Variants in UTRN observed in about 807,000 individuals in gnomAD.
UTRN encodes the protein dystrophin-related protein 1.
In UTRN, 283 loss-of-function variants were observed where a neutral mutation model predicts 463.9. The observed-to-expected ratio is 0.61, with a 90% CI of 0.55 to 0.67. The LOEUF is 0.67. Ranked by LOEUF, UTRN falls within the 30% of genes least tolerant of loss-of-function variation. The pLI, the probability that UTRN is intolerant of heterozygous loss-of-function variation, is 0.00. For missense variants in UTRN, 3,922 were observed against 4,084.3 expected, an observed-to-expected ratio of 0.96 and a Z score of 1.08; for synonymous variants, 1,442 against 1,431.5, an observed-to-expected ratio of 1.01 and a Z score of -0.17.
At chr6:144,742,921 G>C (rs1401234652) in intron 54 of UTRN, among the ~76,000 whole-genome samples, 2 of 152,060 alleles carry the variant, frequency 1.3e-5, no homozygotes, top group African/African-American at 2.4e-5. Flanking sequence ...ATGCAAAAAA[G>C]CAAATAGTAT....
intron 2 of UTRN, among the ~76,000 whole-genome samples, chr6:144,326,959 C>A (rs961550863): frequency 2.6e-5 from 4 of 152,204 alleles, no homozygotes; most frequent in Non-Finnish European, 5.9e-5. Context: ...ACCTGAAGGA[C>A]AGTTCTGACT....
At chr6:144,354,973 G>A (rs1778424372) in intron 2 of UTRN, among the ~76,000 whole-genome samples, 1 of 152,138 alleles carries the variant, frequency 6.6e-6, no homozygotes, top group Admixed American at 6.6e-5. Flanking sequence ...TGAGCCTGAA[G>A]AAAGTCCTGT....
intron 58 of UTRN, among the ~76,000 whole-genome samples, chr6:144,768,328 C>T (rs760710040): frequency 1.3e-5 from 2 of 152,072 alleles, no homozygotes; most frequent in Non-Finnish European, 2.9e-5. Flanking sequence ...CCATAAAATG[C>T]AGAGATTATA....
At chr6:144,506,823 C>T (rs1049532086) in intron 34 of UTRN, among the ~76,000 whole-genome samples, 3 of 152,052 alleles carry the variant, frequency 2.0e-5, no homozygotes, top group African/African-American at 4.8e-5. Context: ...TTGCTAGGTT[C>T]GGGGAGTTCT....
intron 50 of UTRN, among the ~76,000 whole-genome samples, chr6:144,571,420 C>T (rs1421405205): frequency 1.3e-5 from 2 of 152,166 alleles, no homozygotes; most frequent in African/African-American, 4.8e-5. Flanking sequence ...TCCCTCGACT[C>T]ACTGCAGTCC....
In UTRN at chr6:144,387,181, C is replaced by T. The variant is rs191424376; in HGVS notation, c.80-15942C>T. 7.9e-5 allele frequency among the ~76,000 whole-genome samples: 12 copies of T among 152,190 alleles called. No homozygotes were observed. The South Asian group carries it at 1.0e-3, about 13-fold the overall frequency. ...TGAGATGGAGGCTCATTCACTTTGT[C>T]GCCCAGGCTGGAGTGCAGCGGCGCG... On this transcript the variant is annotated intron_variant, in intron 2 of 74. Coordinates refer to ENST00000367545, the MANE Select transcript of UTRN (RefSeq NM_007124.3).
chr6:144,424,231 A>T (rs1785098947), intron 6 of UTRN, 153 bp downstream of exon 6: 1 of 781,182 alleles, frequency 1.3e-6, no homozygotes, highest in Non-Finnish European at 2.0e-6. Context: ...GAAGTCCAAG[A>T]TCAAGGCATC....
chr6:144,836,081 G>C (rs965765345), intron 70 of UTRN, 143 bp downstream of exon 70: 107 of 1,412,994 alleles, frequency 7.6e-5, no homozygotes, highest in Non-Finnish European at 1.0e-4. Flanking sequence ...AACAAACTGG[G>C]ATGCTGGCTG....
At chr6:144,786,552 G>A (rs952678428) in intron 61 of UTRN, among the ~76,000 whole-genome samples, 2 of 152,164 alleles carry the variant, frequency 1.3e-5, no homozygotes. Context: ...CCAAAGTGCT[G>A]AGATTACAGG....
intron 48 of UTRN, among the ~76,000 whole-genome samples, chr6:144,553,000 A>G (rs770726558): frequency 1.8e-4 from 27 of 152,202 alleles, no homozygotes; most frequent in Non-Finnish European, 3.8e-4. Flanking sequence ...AAGAATGATG[A>G]CATGTAAGTA....
chr6:144,486,412 A>G (rs1792455992), intron 28 of UTRN, among the ~76,000 whole-genome samples: 1 of 152,224 alleles, frequency 6.6e-6, no homozygotes, highest in African/African-American at 2.4e-5. Flanking sequence ...AGCAAACTCT[A>G]AGATAAACAT....
Position 144,850,972 on chromosome 6 carries a change from A to AT in UTRN, c.10294-13dup, listed in dbSNP as rs748712399. 1.9e-6 allele frequency: 3 copies of AT among 1,613,552 alleles called. No homozygotes were observed. The Admixed American group carries it at 5.0e-5, about 27-fold the overall frequency. Reference sequence around the variant, plus strand: ...TTTTGTGCAAATTTCTGACAGTGCTATTTTCCCTTCCCATAGGCAATGTGA... The same window carrying AT: ...TTTTGTGCAAATTTCTGACAGTGCTATTTTTCCCTTCCCATAGGCAATGTGA... On this transcript the variant is annotated splice_polypyrimidine_tract_variant and intron_variant, in intron 74 of 74. Transcript: ENST00000367545.
chr6:144,518,388 T>G (rs1253927641), intron 39 of UTRN, among the ~76,000 whole-genome samples: 1 of 152,256 alleles, frequency 6.6e-6, no homozygotes, highest in African/African-American at 2.4e-5. Context: ...TGGCTCCTTA[T>G]GTCTTTGATG....
chr6:144,569,421 A>C (rs764423908), intron 50 of UTRN, among the ~76,000 whole-genome samples: 1 of 152,228 alleles, frequency 6.6e-6, no homozygotes, highest in Non-Finnish European at 1.5e-5. Context: ...TAAATTTCAC[A>C]TTTGCATGCA....
Position 144,637,969 on chromosome 6 carries a change from C to T in UTRN, c.7480-40437C>T, listed in dbSNP as rs370454021. 3.3e-5 allele frequency among the ~76,000 whole-genome samples: 5 copies of T among 152,314 alleles called. No homozygotes were observed. In the East Asian group the frequency reaches 9.6e-4, roughly 29 times the overall value. On this transcript the variant is annotated intron_variant, in intron 51 of 74. Transcript: ENST00000367545. ...GAATAGGAGGATTCAGGAATTATGG[C>T]TCATAGAAGAGACATATTTAACCTT...
intron 51 of UTRN, among the ~76,000 whole-genome samples, chr6:144,597,003 C>A (rs558091000): frequency 3.9e-5 from 6 of 152,092 alleles, no homozygotes; most frequent in Admixed American, 2.0e-4. Flanking sequence ...CTTTGGGAGG[C>A]CAAGGTGGAC....
chr6:144,648,189 C>G (rs1386766679), intron 51 of UTRN, among the ~76,000 whole-genome samples: 1 of 152,178 alleles, frequency 6.6e-6, no homozygotes, highest in Non-Finnish European at 1.5e-5. Flanking sequence ...CTCTTGTTCC[C>G]TTTATTCCTT....
At chr6:144,442,285 T>G (rs111743265) in intron 13 of UTRN, among the ~76,000 whole-genome samples, 3,338 of 152,230 alleles carry the variant, frequency 0.022, 133 homozygotes, top group African/African-American at 0.075. Flanking sequence ...CCTGAATGCT[T>G]TGCTGCTTAG....
rs1479905164 is a variant in UTRN at position 144,511,012 on chromosome 6, G to C, written c.4833G>C (p.Leu1611=). 6.2e-7 allele frequency: 1 copy of C among 1,613,242 alleles called. No individual in the cohort carries two copies. The highest frequency in any genetic ancestry group is 8.5e-7 in the Non-Finnish European group (1 of 1,179,382). The change falls in exon 35 of 75, where the codon CTG becomes CTC. Residue 1611 remains leucine (L), a synonymous_variant. Transcript: ENST00000367545. The part of the protein sequence containing the change: ...LNTITESSAA[L]QNLIEGSEPI... ...CCATCACAGAGAGTAGTGCTGCCCT[G>C]CAAAACTTGATTGAGGGCAGTGAGC... is the stretch of plus-strand genomic sequence containing the variant.
Sources: gnomAD v4.1 joint callset for allele counts (sites outside exome capture counted in the v4.1 genomes callset) on GRCh38, gnomAD v4.1.1 for gene constraint, MANE v1.5 for transcripts, NCBI Gene and HGNC (gene_info 2026-07-23, HGNC 2026-07-21) for gene names.